Variants in ADGB observed in about 807,000 individuals in gnomAD.
ADGB encodes the protein calpain-7-like protein.
Under a neutral mutation model 210.5 loss-of-function variants are expected in ADGB, and 172 were observed. That is an observed-to-expected ratio of 0.82 (90% CI 0.72 to 0.93). ADGB has a LOEUF of 0.93. ADGB is among the 40% of genes least tolerant of loss of function. The probability of loss-of-function intolerance (pLI) is 0.00; values close to 1 mark genes in which losing one functional copy is unlikely to be tolerated. For missense variants in ADGB, 2,025 were observed against 1,964.8 expected (o/e 1.03, Z -0.58); for synonymous variants, 658 against 662.7 (o/e 0.99, Z 0.11).
chr6:146,749,732 C>T (rs1777291688), intron 26 of ADGB, among the ~76,000 whole-genome samples: 2 of 151,976 alleles, frequency 1.3e-5, no homozygotes, highest in Admixed American at 6.6e-5. Flanking sequence ...ACAGTATGTA[C>T]AGGAGGCATG....
chr6:146,745,575 C>A (rs1777215763), intron 25 of ADGB, among the ~76,000 whole-genome samples: 2 of 152,190 alleles, frequency 1.3e-5, no homozygotes, highest in East Asian at 1.9e-4. Context: ...AAGTAAGAAG[C>A]TTTTGGGCTA....
intron 26 of ADGB, among the ~76,000 whole-genome samples, chr6:146,750,869 G>T (rs1777310646): frequency 6.6e-6 from 1 of 152,162 alleles, no homozygotes; most frequent in African/African-American, 2.4e-5. Context: ...AAAGGCTTCT[G>T]CCAGGAGTGC....
chr6:146,766,129 G>C (rs1777569911), intron 28 of ADGB, among the ~76,000 whole-genome samples: 1 of 152,156 alleles, frequency 6.6e-6, no homozygotes, highest in South Asian at 2.1e-4. Flanking sequence ...AGGGTGGTAG[G>C]GGTGAGGGGG....
intron 12 of ADGB, among the ~76,000 whole-genome samples, chr6:146,695,131 A>T (rs1377830037): frequency 6.6e-6 from 1 of 152,140 alleles, no homozygotes; most frequent in Non-Finnish European, 1.5e-5. Flanking sequence ...AGGAACAATG[A>T]CCCTAACATT....
At chr6:146,720,204 G>C (rs1776793717) in intron 16 of ADGB, among the ~76,000 whole-genome samples, 1 of 152,094 alleles carries the variant, frequency 6.6e-6, no homozygotes, top group Non-Finnish European at 1.5e-5. Context: ...TAATGCATTA[G>C]TCAAGAGTAC....
At chr6:146,691,694 C>A (rs1776332268) in intron 11 of ADGB, among the ~76,000 whole-genome samples, 2 of 148,640 alleles carry the variant, frequency 1.3e-5, no homozygotes, top group Non-Finnish European at 3.0e-5. Context: ...AGGATTAATT[C>A]TTCACATCTC....
chr6:146,611,398 C>T (rs77446267), intron 1 of ADGB, among the ~76,000 whole-genome samples: 1,598 of 152,144 alleles, frequency 0.011, 7 homozygotes, highest in Non-Finnish European at 0.017. Flanking sequence ...TGCAGCCATT[C>T]CTGTGCCAAA....
At chr6:146,646,719 A>C (rs561140976) in intron 3 of ADGB, among the ~76,000 whole-genome samples, 8 of 152,300 alleles carry the variant, frequency 5.3e-5, no homozygotes, top group African/African-American at 1.7e-4. Flanking sequence ...GCAACAAATC[A>C]GAGGCTGAAT....
chr6:146,800,054 C>A (rs200292045), intron 33 of ADGB, among the ~76,000 whole-genome samples: 1 of 152,100 alleles, frequency 6.6e-6, no homozygotes, highest in Non-Finnish European at 1.5e-5. Flanking sequence ...GTGATCCACC[C>A]GCCTTGGCCT....
intron 8 of ADGB, among the ~76,000 whole-genome samples, chr6:146,672,923 G>T (rs553792818): frequency 2.6e-5 from 4 of 151,750 alleles, no homozygotes; most frequent in Non-Finnish European, 5.9e-5. Context: ...TAGAGACAGG[G>T]TTTCACCATG....
rs1583568091 is a variant in ADGB, at chr6:146,635,387, T to G, written c.87T>G (p.Phe29Leu). ...GSDKSKDFYP[F>L]GSNVQSGSTE... is the part of the protein sequence containing the mutation. The stretch of plus-strand genomic sequence containing the variant: ...TGTCTCTGTCTAGTTTCTATCCTTT[T>G]GGCAGTAATGTACAATCTGGTTCTA... The change falls in exon 2 of 36, where the codon TTT (phenylalanine) becomes TTG (leucine). Residue 29 changes from phenylalanine to leucine, a missense_variant. By Grantham distance (22) the Phe-to-Leu change is conservative (BLOSUM62 0). Transcript: ENST00000397944. 6 of 1,518,934 alleles carry G rather than the reference T, an allele frequency of 4.0e-6. No homozygotes were observed. The East Asian group carries it at 1.0e-4, about 26-fold the overall frequency. The allele number at this position is 1,518,934 out of a possible 1,614,324, so 94.1% of individuals were successfully genotyped here.
intron 26 of ADGB, among the ~76,000 whole-genome samples, chr6:146,747,812 TC>T (rs1219862600): frequency 1.4e-5 from 2 of 147,498 alleles, no homozygotes; most frequent in African/African-American, 2.5e-5. Context: ...AGAGTCTCAC[TC>T]TGTCACCCAG....
chr6:146,711,839 C>T (rs1325894721), intron 13 of ADGB, among the ~76,000 whole-genome samples: 1 of 151,594 alleles, frequency 6.6e-6, no homozygotes, highest in Non-Finnish European at 1.5e-5. Context: ...AGGCAGCCTG[C>T]GCAAGACAGT....
chr6:146,706,823 T>C (rs1776576738), intron 13 of ADGB, among the ~76,000 whole-genome samples: 1 of 150,730 alleles, frequency 6.6e-6, no homozygotes, highest in South Asian at 2.1e-4. Flanking sequence ...GTTTTGTTTA[T>C]CTTTTCAAAG....
chr6:146,609,415 G>A (rs1297502793), intron 1 of ADGB, among the ~76,000 whole-genome samples: 1 of 152,174 alleles, frequency 6.6e-6, no homozygotes, highest in East Asian at 1.9e-4. Context: ...TCATCAGGTT[G>A]TTAGTTGGTT....
intron 33 of ADGB, among the ~76,000 whole-genome samples, chr6:146,794,025 C>T (rs761194275): frequency 5.3e-5 from 8 of 152,032 alleles, no homozygotes; most frequent in Non-Finnish European, 1.0e-4. Context: ...CTGGCTATTC[C>T]GGTTCCTGTA....
At chr6:146,808,443 C>G (rs1476355059) in intron 35 of ADGB, among the ~76,000 whole-genome samples, 1 of 152,120 alleles carries the variant, frequency 6.6e-6, no homozygotes, top group Non-Finnish European at 1.5e-5. Context: ...CGTGTGATCT[C>G]AAACATCCAT....
chr6:146,599,135 C>T (rs74468352), intron 1 of ADGB, 21 bp downstream of exon 1: 123,765 of 1,547,428 alleles, frequency 0.08, 5,893 homozygotes, highest in East Asian at 0.21. Context: ...TCTGCCTGTC[C>T]GTCCCTCCCC....
rs1776439232 is a variant in ADGB at position 146,698,306 on chromosome 6, T to C, written c.1578-2635T>C. ...TGGTCTGTACCATCGGTCACACATA[T>C]AATGGCCATTAAATATGGCTTTAGC... On this transcript the variant is annotated intron_variant, in intron 12 of 35. Transcript: ENST00000397944. 2.6e-5 allele frequency among the ~76,000 whole-genome samples: 4 copies of C among 152,232 alleles called. No individual in the cohort carries two copies. The South Asian group carries it at 6.2e-4, about 24-fold the overall frequency.
Sources: allele counts gnomAD v4.1 joint callset (sites outside exome capture counted in the v4.1 genomes callset), GRCh38; gene constraint gnomAD v4.1.1; transcripts MANE v1.5; gene names NCBI Gene and HGNC (gene_info 2026-07-23, HGNC 2026-07-21).